Variants in MEIKIN observed in about 807,000 individuals in gnomAD.
MEIKIN encodes the protein meiotic kinetochore factor.
chr5:131,930,624 T>C (rs1751673235), intron 5 of MEIKIN, among the ~76,000 whole-genome samples: 1 of 152,286 alleles, frequency 6.6e-6, no homozygotes, highest in Non-Finnish European at 1.5e-5. Context: ...ACTGAATTTT[T>C]CTTTTATTCT....
intron 12 of MEIKIN, among the ~76,000 whole-genome samples, chr5:131,808,538 G>T (rs1772890461): frequency 6.6e-6 from 1 of 152,138 alleles, no homozygotes; most frequent in Non-Finnish European, 1.5e-5. Context: ...AGTTTAAACT[G>T]GTTCTCCTAA....
At chr5:131,858,166 T>C (rs564886049) in intron 9 of MEIKIN, among the ~76,000 whole-genome samples, 75 of 152,288 alleles carry the variant, frequency 4.9e-4, no homozygotes, top group African/African-American at 1.8e-3. Flanking sequence ...CCCTTAGAGT[T>C]AGAGCAGTCA....
rs188568724 is a variant in MEIKIN, at chr5:131,938,066, T to A, written c.350-4425A>T. Among the ~76,000 whole-genome samples, 182 of 152,282 alleles carry A rather than the reference T, an allele frequency of 1.2e-3. 1 individual carries two copies. Among genetic ancestry groups the A allele is most frequent in the African/African-American group, 4.2e-3 (175 of 41,558 alleles). The stretch of plus-strand genomic sequence containing the variant: ...AATGTCTGAACTACTGTTTTTGAGA[T>A]GTTAGAATCATTGGACTCATCTTCT... On this transcript the variant is annotated intron_variant, in intron 4 of 12. Transcript: ENST00000442687.
intron 6 of MEIKIN, among the ~76,000 whole-genome samples, chr5:131,917,706 A>G (rs1268538259): frequency 1.3e-5 from 2 of 152,162 alleles, no homozygotes; most frequent in Admixed American, 1.3e-4. Context: ...ACATTAAGAT[A>G]TTACTAGGAA....
At chr5:131,826,589 C>T (rs886169532) in intron 11 of MEIKIN, among the ~76,000 whole-genome samples, 1 of 152,190 alleles carries the variant, frequency 6.6e-6, no homozygotes, top group Non-Finnish European at 1.5e-5. Flanking sequence ...CAAATCTCAT[C>T]TTGAATTATA....
chr5:131,941,378 C>G (rs996524094), intron 4 of MEIKIN, among the ~76,000 whole-genome samples: 12 of 151,712 alleles, frequency 7.9e-5, no homozygotes, highest in African/African-American at 1.5e-4. Flanking sequence ...AGGCTGGTCT[C>G]GAACTCCTGA....
At chr5:131,878,004 T>C (rs139795725) in intron 9 of MEIKIN, among the ~76,000 whole-genome samples, 13 of 152,332 alleles carry the variant, frequency 8.5e-5, no homozygotes, top group African/African-American at 2.4e-4. Flanking sequence ...ATCCGCTCAT[T>C]AGTTACTCAG....
intron 9 of MEIKIN, among the ~76,000 whole-genome samples, chr5:131,865,343 C>G (rs1342528503): frequency 2.6e-5 from 4 of 152,118 alleles, no homozygotes; most frequent in Admixed American, 2.6e-4. Flanking sequence ...CCTCAGCCTC[C>G]CGAGTAGCTG....
intron 8 of MEIKIN, among the ~76,000 whole-genome samples, chr5:131,882,184 T>C (rs1428487022): frequency 1.3e-5 from 2 of 152,226 alleles, no homozygotes; most frequent in Non-Finnish European, 2.9e-5. Context: ...AACACTATTA[T>C]CTGATCACTG....
At chr5:131,816,406 T>G (rs1773099898) in intron 12 of MEIKIN, among the ~76,000 whole-genome samples, 1 of 152,250 alleles carries the variant, frequency 6.6e-6, no homozygotes, top group South Asian at 2.1e-4. Context: ...TAGGTAGGCC[T>G]CATTCAATCA....
Position 131,919,455 on chromosome 5 carries a change from G to C in MEIKIN, c.598+2367C>G, listed in dbSNP as rs369175432. Among the ~76,000 whole-genome samples, 5 of 152,246 alleles carry C rather than the reference G, an allele frequency of 3.3e-5. 1 individual carries two copies. In the South Asian group the frequency reaches 1.0e-3, roughly 32 times the overall value. ...ATTCATTGCAGTATTGTTGATGGTG[G>C]CAAAATACTGGGGAAAAACCTAAAT... On this transcript the variant is annotated intron_variant, in intron 6 of 12. Transcript: ENST00000442687.
intron 8 of MEIKIN, among the ~76,000 whole-genome samples, chr5:131,879,638 C>T (rs963318504): frequency 2.6e-5 from 4 of 152,188 alleles, no homozygotes; most frequent in Non-Finnish European, 4.4e-5. Context: ...AAGATCTGTC[C>T]ACATATACCA....
chr5:131,882,100 CT>C (rs1750710405), intron 8 of MEIKIN, among the ~76,000 whole-genome samples: 1 of 152,108 alleles, frequency 6.6e-6, no homozygotes, highest in South Asian at 2.1e-4. Context: ...AATATCCAGC[CT>C]AATCACAAAT....
At chr5:131,875,348 T>C (rs1317534452) in intron 9 of MEIKIN, among the ~76,000 whole-genome samples, 12 of 152,004 alleles carry the variant, frequency 7.9e-5, no homozygotes, top group Non-Finnish European at 1.5e-5. Context: ...TATACACCAA[T>C]AACAGAGAAA....
At chr5:131,846,981 A>G (rs1264405262) in intron 11 of MEIKIN, among the ~76,000 whole-genome samples, 1 of 152,192 alleles carries the variant, frequency 6.6e-6, no homozygotes, top group African/African-American at 2.4e-5. Context: ...AATAAATTCA[A>G]ATTAGAGTAT....
At chr5:131,880,077 G>A (rs572338135) in intron 8 of MEIKIN, among the ~76,000 whole-genome samples, 4 of 149,990 alleles carry the variant, frequency 2.7e-5, no homozygotes, top group East Asian at 2.0e-4. Context: ...ACACCACCAC[G>A]CCCAGCTAAT....
At chr5:131,869,360 ACCCATACTGTCTT>A (rs1750445221) in intron 9 of MEIKIN, among the ~76,000 whole-genome samples, 2 of 152,060 alleles carry the variant, frequency 1.3e-5, no homozygotes, top group Non-Finnish European at 2.9e-5. Context: ...CTTTTACCAA[ACCCATACTGTCTT>A]GATTACTGCA....
At chr5:131,895,672 G>C (rs1250041994) in intron 8 of MEIKIN, among the ~76,000 whole-genome samples, 1 of 152,160 alleles carries the variant, frequency 6.6e-6, no homozygotes, top group East Asian at 1.9e-4. Flanking sequence ...TAGTTTATTT[G>C]CATAGAGGTG....
intron 9 of MEIKIN, among the ~76,000 whole-genome samples, chr5:131,855,274 T>C (rs753125072): frequency 6.6e-6 from 1 of 152,198 alleles, no homozygotes; most frequent in South Asian, 2.1e-4. Context: ...CTGTGAAATA[T>C]ATGTAGCAAG....
Sources: allele counts gnomAD v4.1 joint callset (sites outside exome capture counted in the v4.1 genomes callset), GRCh38; gene constraint gnomAD v4.1.1; transcripts MANE v1.5; gene names NCBI Gene and HGNC (gene_info 2026-07-23, HGNC 2026-07-21).